Variants in TNKS1BP1 observed in about 807,000 individuals in gnomAD.
TNKS1BP1 encodes CCR4-NOT transcription complex subunit 12.
Under a neutral mutation model 141.1 loss-of-function variants are expected in TNKS1BP1, and 48 were observed. That is an observed-to-expected ratio of 0.34 (90% CI 0.27 to 0.43). TNKS1BP1 has a LOEUF of 0.43. Among genes scored for constraint, TNKS1BP1 ranks in the 20% least tolerant of loss-of-function variants. The probability of loss-of-function intolerance (pLI) is 1.00; values close to 1 mark genes in which losing one functional copy is unlikely to be tolerated. For missense variants in TNKS1BP1, 2,149 were observed against 2,226.0 expected (o/e 0.97, Z 0.70); for synonymous variants, 875 against 898.2 (o/e 0.97, Z 0.46).
Position 57,324,890 on chromosome 11 carries a change from CCCGCCGCCGCCGCCGCTGCTACCG to C in TNKS1BP1, c.-140_-117del, listed in dbSNP as rs913887560. 9.4e-5 allele frequency: 93 copies of C among 991,718 alleles called. No homozygotes were observed. The highest frequency in any genetic ancestry group is 6.3e-4 in the African/African-American group (36 of 57,100). 61.4% of individuals were successfully genotyped at this position (991,718 alleles called of 1,614,324 possible). ...TCGGCTCGGGGCCCCGATGCCAGTC[CCCGCCGCCGCCGCCGCTGCTACCG>C]CCGCCGCCGCCGCCGTCACCGCGGG... On this transcript the variant is annotated 5_prime_UTR_variant, in exon 1 of 12. Transcript: ENST00000358252.
chr11:57,323,891 C>A (rs1261140671), intron 1 of TNKS1BP1, among the ~76,000 whole-genome samples: 1 of 152,188 alleles, frequency 6.6e-6, no homozygotes. Context: ...GGCCCCTCTG[C>A]GGTATGAGGG....
At chr11:57,305,226 T>G (rs1855590936) in intron 6 of TNKS1BP1, among the ~76,000 whole-genome samples, 1 of 152,228 alleles carries the variant, frequency 6.6e-6, no homozygotes, top group South Asian at 2.1e-4. Flanking sequence ...CACAAGTTAT[T>G]TGTCCCACTC....
Position 57,300,865 on chromosome 11 carries a change from C to T in TNKS1BP1, c.5129+19G>A, listed in dbSNP as rs1355832109. On this transcript the variant is annotated intron_variant, in intron 10 of 11. Coordinates refer to ENST00000358252, the MANE Select transcript of TNKS1BP1 (RefSeq NM_033396.3). ...TAATACAGTGAGGTCAGCGGATGCC[C>T]AGAGCTTAGGTCACCTACCCTGAGG... The T allele has an allele frequency of 6.2e-7, 1 of 1,608,942 alleles. No individual in the cohort carries two copies. Among genetic ancestry groups the T allele is most frequent in the Non-Finnish European group, 8.5e-7 (1 of 1,176,360 alleles).
chr11:57,317,951 T>C (rs1262523660), intron 3 of TNKS1BP1, 64 bp from the exon 4 acceptor site: 1 of 1,517,066 alleles, frequency 6.6e-7, no homozygotes, highest in Admixed American at 1.7e-5. Flanking sequence ...GAATGGAAAA[T>C]GTGGGAGAGT....
chr11:57,309,370 C>T lies in TNKS1BP1; in HGVS notation c.3341G>A (p.Cys1114Tyr), dbSNP rs900751153. 1.2e-6 allele frequency: 2 copies of T among 1,614,074 alleles called. No individual in the cohort carries two copies. Among genetic ancestry groups the T allele is most frequent in the Admixed American group, 3.3e-5 (2 of 60,014 alleles). ...PGQQDWSRDF[C>Y]IEASERSYQF... ...ATAGCTCCTCTCACTGGCCTCGATG[C>T]AGAAGTCCCGGCTCCAGTCCTGCTG... Residue 1114 changes from cysteine (C) to tyrosine (Y), a missense_variant, in exon 6 of 12, where the codon TGC (cysteine) becomes TAC (tyrosine). Coordinates refer to ENST00000358252, the MANE Select transcript of TNKS1BP1 (RefSeq NM_033396.3). The surrounding 1 kb of genome is among the most constrained non-coding windows in gnomAD (Gnocchi z 4.3).
chr11:57,308,929 G>A lies in TNKS1BP1; in HGVS notation c.3782C>T (p.Ser1261Leu). The A allele has an allele frequency of 1.2e-6, 2 of 1,613,982 alleles. No homozygotes were observed. The highest frequency in any genetic ancestry group is 1.7e-6 in the Non-Finnish European group (2 of 1,180,016). ...AAGGAACTCTCCGGCCTCCACACCT[G>A]ACCAGTCAGTCTGCCCCACGCCACT... Reference protein sequence around the residue: ...RESGVGQTDWSGVEAGEFLKS... With the variant: ...RESGVGQTDWLGVEAGEFLKS... The change falls in exon 6 of 12, where the codon TCA becomes TTA. Residue 1261 changes from serine (S) to leucine (L), a missense_variant. By Grantham distance (145) the Ser-to-Leu change is moderately radical. Transcript: ENST00000358252.
rs1363054039 is a variant in TNKS1BP1 at position 57,320,242 on chromosome 11, A to G, written c.565T>C (p.Phe189Leu). Residue 189 changes from phenylalanine to leucine, a missense_variant, in exon 3 of 12, where the codon TTT (phenylalanine) becomes CTT (leucine). Transcript: ENST00000358252. ...TATCGCGAGCTGCCATCGTGGTTAAAGGTGAGGCGGGAACCCCACAGGCGG... is the reference window on the plus strand; with the variant it reads ...TATCGCGAGCTGCCATCGTGGTTAAGGGTGAGGCGGGAACCCCACAGGCGG... ...PDRLWGSRLTFNHDGSSRYGP... is the reference protein window; with the variant it reads ...PDRLWGSRLTLNHDGSSRYGP... 1 of 1,614,084 alleles carries G rather than the reference A, an allele frequency of 6.2e-7. No individual in the cohort carries two copies. The highest frequency in any genetic ancestry group is 8.5e-7 in the Non-Finnish European group (1 of 1,180,052).
In TNKS1BP1 at chr11:57,310,060, C is replaced by G. The variant is rs765345317; in HGVS notation, c.2651G>C (p.Gly884Ala). The G allele has an allele frequency of 3.7e-6, 6 of 1,614,204 alleles. No individual in the cohort carries two copies. The South Asian group carries it at 6.6e-5, about 18-fold the overall frequency. ...GTYSSRDVSL[G>A]DWEFGKRDSL... ...ATCTCTCTTCCCAAATTCCCAGTCC[C>G]CAAGGCTTACATCTCGACTACTGTA... The change falls in exon 6 of 12, where the codon GGG becomes GCG. Residue 884 changes from glycine to alanine, a missense_variant. Physicochemically the swap from Gly to Ala is moderately conservative, Grantham distance 60 (BLOSUM62 0). Coordinates refer to ENST00000358252, the MANE Select transcript of TNKS1BP1 (RefSeq NM_033396.3).
At chr11:57,316,073 T>A (rs1855794677) in intron 4 of TNKS1BP1, among the ~76,000 whole-genome samples, 1 of 152,212 alleles carries the variant, frequency 6.6e-6, no homozygotes, top group Non-Finnish European at 1.5e-5. Context: ...TCCCCTTCTC[T>A]CTTGAAACCA....
At chr11:57,311,657 CTGCAGCCCCGCCCCT>C (rs1855714676) in intron 5 of TNKS1BP1, among the ~76,000 whole-genome samples, 1 of 152,160 alleles carries the variant, frequency 6.6e-6, no homozygotes, top group Admixed American at 6.5e-5. Flanking sequence ...TCCTCCTTTC[CTGCAGCCCCGCCCCT>C]TGCAGCCCAG....
chr11:57,321,748 A>ACCCCCCCCCCC, intron 2 of TNKS1BP1, 44 bp downstream of exon 2: 9 of 670,024 alleles, frequency 1.3e-5, no homozygotes, highest in East Asian at 3.7e-5. Flanking sequence ...TGTCCTTCCC[A>ACCCCCCCCCCC]CCCCCCTCCC....
At chr11:57,314,222 A>G (rs1334373389) in intron 4 of TNKS1BP1, among the ~76,000 whole-genome samples, 1 of 152,254 alleles carries the variant, frequency 6.6e-6, no homozygotes, top group Non-Finnish European at 1.5e-5. Context: ...TTCGGGGTCC[A>G]TAACACCTGC....
rs774112650 is a variant in TNKS1BP1, at chr11:57,320,555, CA to C, written c.251del (p.Leu84ArgfsTer47). ...TGCCACCATAGGGCTGGGGTCCTGC[CA>C]GCATGTTCATCTTCCTGGCAGAAGG... ...ELPSARKMNM[L>X]AGPQPYGGSK... On this transcript the variant is annotated frameshift_variant, in exon 3 of 12. Transcript: ENST00000358252. LOFTEE classifies it high-confidence loss of function. 1 of 1,614,110 alleles carries C rather than the reference CA, an allele frequency of 6.2e-7. No homozygotes were observed.
At position 57,320,142 on chromosome 11, in the gene TNKS1BP1, T is replaced by C; in HGVS notation, c.665A>G (p.Gln222Arg). 1.9e-6 allele frequency: 3 copies of C among 1,614,022 alleles called. No homozygotes were observed. The highest frequency in any genetic ancestry group is 2.5e-6 in the Non-Finnish European group (3 of 1,179,956). ...DGSTLFRGWS[Q>R]EGPVKSPAEC... The stretch of plus-strand genomic sequence containing the variant: ...TGCTGGAGACTTTACTGGCCCCTCC[T>C]GGGACCATCCCCTGAAGAGGGTGCT... The change falls in exon 3 of 12, where the codon CAG (glutamine) becomes CGG (arginine). Residue 222 changes from glutamine (Q) to arginine (R), a missense_variant. Physicochemically the swap from Gln to Arg is conservative, Grantham distance 43 (BLOSUM62 1). Coordinates refer to ENST00000358252, the MANE Select transcript of TNKS1BP1 (RefSeq NM_033396.3).
In TNKS1BP1 at chr11:57,302,778, A is replaced by C; in HGVS notation, c.4364T>G (p.Leu1455Arg). 1 of 1,558,996 alleles carries C rather than the reference A, an allele frequency of 6.4e-7. No homozygotes were observed. The highest frequency in any genetic ancestry group is 1.2e-5 in the South Asian group (1 of 86,304). ...GCTGGCTGCCAGCATCTCCTCCAGC[A>C]GGCCCTGGGAGCCGGAGGGTGGGGG... ...ARPPPSGSQG[L>R]LEEMLAASSS... The change falls in exon 7 of 12, where the codon CTG (leucine) becomes CGG (arginine). Residue 1455 changes from leucine to arginine, a missense_variant. Transcript: ENST00000358252. This position sits in a 1 kb window ranked among gnomAD's most constrained non-coding sequence, Gnocchi z 5.5.
chr11:57,302,868 C>G lies in TNKS1BP1; in HGVS notation c.4317-43G>C. Reference sequence around the variant, plus strand: ...AGAGAACGAGATCATCGTAAGGCCCCATCTCCCTGCCCTGAAGCCTACTTC... The same window carrying G: ...AGAGAACGAGATCATCGTAAGGCCCGATCTCCCTGCCCTGAAGCCTACTTC... On this transcript the variant is annotated intron_variant, in intron 6 of 11. Coordinates refer to ENST00000358252, the MANE Select transcript of TNKS1BP1 (RefSeq NM_033396.3). The surrounding 1 kb of genome is among the most constrained non-coding windows in gnomAD (Gnocchi z 5.5). 6.8e-7 allele frequency: 1 copy of G among 1,473,884 alleles called. No individual in the cohort carries two copies. Among genetic ancestry groups the G allele is most frequent in the East Asian group, 2.3e-5 (1 of 42,882 alleles). 91.3% of individuals were successfully genotyped at this position (1,473,884 alleles called of 1,614,324 possible).
chr11:57,321,974 G>A (rs144536437), intron 1 of TNKS1BP1, 24 bp from the exon 2 acceptor site: 36 of 1,506,126 alleles, frequency 2.4e-5, no homozygotes, highest in Admixed American at 2.0e-4. Context: ...GAGAAGAGAA[G>A]GAAAAAAAGA....
intron 4 of TNKS1BP1, 148 bp from the exon 5 acceptor site, chr11:57,314,037 G>T: frequency 2.1e-6 from 2 of 962,982 alleles, no homozygotes; most frequent in Non-Finnish European, 2.8e-6. Context: ...GGGATAGCTG[G>T]GAGGGGCCCC....
intron 3 of TNKS1BP1, among the ~76,000 whole-genome samples, chr11:57,318,592 C>G (rs1256544642): frequency 6.6e-6 from 1 of 152,230 alleles, no homozygotes; most frequent in African/African-American, 2.4e-5. Context: ...AGCCTCTGAG[C>G]CCAGCAGAGC....
Sources: allele counts gnomAD v4.1 joint callset (sites outside exome capture counted in the v4.1 genomes callset), GRCh38; gene constraint gnomAD v4.1.1; non-coding constraint Gnocchi (gnomAD v3.1); transcripts MANE v1.5; gene names NCBI Gene and HGNC (gene_info 2026-07-23, HGNC 2026-07-21).